Variants in CYRIB observed in about 807,000 individuals in gnomAD.
The protein encoded by CYRIB is CYFIP related Rac1 interactor B, also known as CYFIP-related Rac1 interactor B.
In CYRIB, 8 loss-of-function variants were observed where a neutral mutation model predicts 44.2. The observed-to-expected ratio is 0.18, with a 90% CI of 0.11 to 0.33. CYRIB has a LOEUF of 0.33. Among genes scored for constraint, CYRIB ranks in the 10% least tolerant of loss-of-function variants. The pLI is 1.00. For synonymous variants in CYRIB, 131 were observed against 127.2 expected (o/e 1.03, Z -0.20); for missense variants, 185 against 382.8 (o/e 0.48, Z 4.31).
chr8:129,880,294 G>T, intron 2 of CYRIB: 2 of 696,624 alleles, frequency 2.9e-6, no homozygotes, highest in Non-Finnish European at 1.8e-6. Flanking sequence ...CAAATATTCT[G>T]GCTGGCCTTC....
intron 1 of CYRIB, among the ~76,000 whole-genome samples, chr8:129,975,254 G>A (rs1180252591): frequency 1.3e-5 from 2 of 151,180 alleles, no homozygotes; most frequent in African/African-American, 2.4e-5. Context: ...AACCTCAAGC[G>A]ATCCTCCCGC....
chr8:129,876,344 T>G (rs2059124840), intron 3 of CYRIB, among the ~76,000 whole-genome samples: 1 of 152,130 alleles, frequency 6.6e-6, no homozygotes, highest in African/African-American at 2.4e-5. Context: ...CACTCCAGCC[T>G]GGGCGACAGA....
At chr8:129,991,959 A>AC (rs1564677905) in intron 1 of CYRIB, among the ~76,000 whole-genome samples, 4 of 147,108 alleles carry the variant, frequency 2.7e-5, no homozygotes, top group Non-Finnish European at 4.5e-5. Flanking sequence ...AAAAAAAAAA[A>AC]AAAAAAAAAA....
intron 1 of CYRIB, among the ~76,000 whole-genome samples, chr8:129,986,555 GT>G (rs1314203761): frequency 6.6e-6 from 1 of 152,148 alleles, no homozygotes; most frequent in African/African-American, 2.4e-5. Flanking sequence ...GGATTAATGG[GT>G]TATCTTGGGA....
chr8:129,933,059 TG>T (rs1564139248), intron 1 of CYRIB, among the ~76,000 whole-genome samples: 1 of 152,190 alleles, frequency 6.6e-6, no homozygotes, highest in Non-Finnish European at 1.5e-5. Context: ...TGAAAGGCTG[TG>T]GCTGTGACTG....
At chr8:129,883,343 T>C (rs1340427370) in intron 2 of CYRIB, among the ~76,000 whole-genome samples, 2 of 151,706 alleles carry the variant, frequency 1.3e-5, no homozygotes, top group Non-Finnish European at 2.9e-5. Flanking sequence ...CCGCCAAATA[T>C]CTCCTGGGGG....
chr8:129,927,163 G>A (rs751134528), intron 1 of CYRIB, among the ~76,000 whole-genome samples: 5 of 152,020 alleles, frequency 3.3e-5, no homozygotes, highest in Non-Finnish European at 4.4e-5. Flanking sequence ...ATGGTGGTGC[G>A]TGCCTGTAAT....
At chr8:129,957,399 T>C (rs1486735376) in intron 2 of CYRIB, among the ~76,000 whole-genome samples, 1 of 152,200 alleles carries the variant, frequency 6.6e-6, no homozygotes, top group Non-Finnish European at 1.5e-5. Flanking sequence ...CAGCACACAA[T>C]GTGGTAGAAA....
chr8:129,980,488 A>G (rs1282470949), intron 1 of CYRIB, among the ~76,000 whole-genome samples: 8 of 152,186 alleles, frequency 5.3e-5, no homozygotes. Flanking sequence ...AGTCCAGTTC[A>G]GCACACCATT....
chr8:129,990,611 T>A (rs545680537), intron 1 of CYRIB, among the ~76,000 whole-genome samples: 36 of 151,994 alleles, frequency 2.4e-4, no homozygotes, highest in Non-Finnish European at 4.9e-4. Context: ...AGCCTCAAAC[T>A]CCCAGGCTCA....
intron 1 of CYRIB, among the ~76,000 whole-genome samples, chr8:129,999,461 C>T (rs936214689): frequency 2.0e-5 from 3 of 152,202 alleles, no homozygotes; most frequent in Admixed American, 1.3e-4. Flanking sequence ...CGCCACGCAC[C>T]CAAGGACCAG....
At chr8:129,988,904 T>C (rs10100858) in intron 1 of CYRIB, among the ~76,000 whole-genome samples, 56,132 of 151,958 alleles carry the variant, frequency 0.37, 11,254 homozygotes, top group African/African-American at 0.52. Flanking sequence ...CGCTTATCAT[T>C]GCAACGTTGG....
intron 2 of CYRIB, among the ~76,000 whole-genome samples, chr8:129,947,067 T>TA (rs35828113): frequency 0.24 from 36,313 of 151,734 alleles, 4,471 homozygotes; most frequent in African/African-American, 0.27. Context: ...TTTATTTATT[T>TA]TTTTTTTTGA....
At chr8:129,916,050 G>C (rs1173162587) in intron 1 of CYRIB, among the ~76,000 whole-genome samples, 2 of 152,144 alleles carry the variant, frequency 1.3e-5, no homozygotes, top group Non-Finnish European at 2.9e-5. Flanking sequence ...ATCATATCTT[G>C]TCCCAATTCC....
chr8:129,915,013 A>G (rs1453150827), intron 1 of CYRIB, among the ~76,000 whole-genome samples: 1 of 152,168 alleles, frequency 6.6e-6, no homozygotes, highest in African/African-American at 2.4e-5. Context: ...GGCTAAAAAA[A>G]TACTGTAAAT....
chr8:129,964,336 G>A (rs2095389690), intron 2 of CYRIB, among the ~76,000 whole-genome samples: 1 of 152,222 alleles, frequency 6.6e-6, no homozygotes, highest in African/African-American at 2.4e-5. Context: ...ACAAGCTACA[G>A]CTTTCCAGAA....
intron 1 of CYRIB, among the ~76,000 whole-genome samples, chr8:129,907,958 C>T (rs542107287): frequency 6.6e-6 from 1 of 152,300 alleles, no homozygotes; most frequent in East Asian, 1.9e-4. Context: ...GCTGAAATCA[C>T]ACCATTACAC....
intron 1 of CYRIB, among the ~76,000 whole-genome samples, chr8:129,972,972 G>T (rs1189866950): frequency 2.6e-5 from 4 of 152,190 alleles, no homozygotes; most frequent in Non-Finnish European, 5.9e-5. Flanking sequence ...GTCTTTCGGA[G>T]CATCTGACTT....
At chr8:129,882,957 G>C (rs901541267) in intron 2 of CYRIB, among the ~76,000 whole-genome samples, 1 of 151,582 alleles carries the variant, frequency 6.6e-6, no homozygotes, top group African/African-American at 2.4e-5. Context: ...CAGCACTTTG[G>C]GATGCCAAGG....
Sources: allele counts gnomAD v4.1 joint callset (sites outside exome capture counted in the v4.1 genomes callset), GRCh38; gene constraint gnomAD v4.1.1; transcripts MANE v1.5; gene names NCBI Gene and HGNC (gene_info 2026-07-23, HGNC 2026-07-21).